The following CTNNA3 variants were observed in gnomAD, a reference collection of about 807,000 sequenced individuals.
CTNNA3 encodes catenin alpha-3.
A neutral mutation model predicts 95.7 loss-of-function variants in CTNNA3; 76 were observed. The ratio of observed to expected loss-of-function variants is 0.79; its 90% CI spans 0.66 to 0.96. The LOEUF is 0.96. Among genes scored for constraint, CTNNA3 ranks in the 40% least tolerant of loss-of-function variants. The pLI, the probability that CTNNA3 is intolerant of heterozygous loss-of-function variation, is 0.00. For missense variants in CTNNA3, 1,191 were observed against 1,089.8 expected, an observed-to-expected ratio of 1.09 and a Z score of -1.31; for synonymous variants, 431 against 374.4, an observed-to-expected ratio of 1.15 and a Z score of -1.74.
intron 5 of CTNNA3, among the ~76,000 whole-genome samples, chr10:67,337,021 G>A (rs1842019317): frequency 6.6e-6 from 1 of 152,132 alleles, no homozygotes; most frequent in Non-Finnish European, 1.5e-5. Flanking sequence ...CCATTCTGTA[G>A]CCCATGGATC....
chr10:66,534,469 CATATATATATATAT>C (rs58455418), intron 10 of CTNNA3, among the ~76,000 whole-genome samples: 80 of 146,932 alleles, frequency 5.4e-4, no homozygotes, highest in East Asian at 1.6e-3. Flanking sequence ...TTATAAAAAT[CATATATATATATAT>C]ATATATATAT....
intron 11 of CTNNA3, among the ~76,000 whole-genome samples, chr10:66,461,536 T>C (rs2093529036): frequency 6.6e-6 from 1 of 151,990 alleles, no homozygotes; most frequent in Admixed American, 6.6e-5. Context: ...CCATCCCTGC[T>C]TCTTGGGTAG....
chr10:67,079,965 A>T (rs1856964784), intron 7 of CTNNA3, among the ~76,000 whole-genome samples: 1 of 152,002 alleles, frequency 6.6e-6, no homozygotes, highest in Non-Finnish European at 1.5e-5. Context: ...GGAGTAAAAT[A>T]AAAAATTGCT....
intron 2 of CTNNA3, among the ~76,000 whole-genome samples, chr10:67,638,519 T>G (rs1374636224): frequency 2.6e-5 from 4 of 152,194 alleles, no homozygotes; most frequent in Non-Finnish European, 5.9e-5. Flanking sequence ...CTAATAGACA[T>G]CTACAGAGCT....
intron 14 of CTNNA3, among the ~76,000 whole-genome samples, chr10:66,089,514 T>A (rs1321339460): frequency 2.0e-5 from 3 of 151,914 alleles, no homozygotes; most frequent in Admixed American, 6.6e-5. Context: ...ACTGTTTTTT[T>A]AAATCTACTC....
chr10:66,779,931 A>T (rs1840463885), intron 7 of CTNNA3, among the ~76,000 whole-genome samples: 2 of 152,168 alleles, frequency 1.3e-5, no homozygotes, highest in Non-Finnish European at 2.9e-5. Context: ...TTATAGAGGT[A>T]CCTAGGATAA....
chr10:67,307,253 G>A (rs576150184), intron 5 of CTNNA3, among the ~76,000 whole-genome samples: 6 of 152,034 alleles, frequency 3.9e-5, no homozygotes, highest in Non-Finnish European at 7.4e-5. Context: ...CTACATTTTC[G>A]GTTCTCTCTT....
At chr10:67,017,756 C>CG (rs1852749571) in intron 7 of CTNNA3, among the ~76,000 whole-genome samples, 1 of 148,764 alleles carries the variant, frequency 6.7e-6, no homozygotes, top group Non-Finnish European at 1.5e-5. Flanking sequence ...TGTGTGTGCG[C>CG]GCGTACAATT....
intron 5 of CTNNA3, among the ~76,000 whole-genome samples, chr10:67,479,774 A>T (rs1003442280): frequency 6.6e-6 from 1 of 152,178 alleles, no homozygotes; most frequent in African/African-American, 2.4e-5. Flanking sequence ...CCCAAAATAC[A>T]TACAAAGGAT....
chr10:66,544,558 A>C (rs1841979184), intron 10 of CTNNA3, among the ~76,000 whole-genome samples: 1 of 152,120 alleles, frequency 6.6e-6, no homozygotes, highest in African/African-American at 2.4e-5. Flanking sequence ...GTTTTTAGTA[A>C]TATATCCTAG....
Position 66,197,099 on chromosome 10 carries a change from CTT to C in CTNNA3, c.1884+83369_1884+83370del, listed in dbSNP as rs1338868923. Among the ~76,000 whole-genome samples, 4 of 152,274 alleles carry C rather than the reference CTT, an allele frequency of 2.6e-5. No homozygotes were observed. The East Asian group carries it at 7.7e-4, about 29-fold the overall frequency. ...AAGGATATTGGTCTATGTCACCTGA[CTT>C]TCCAATTTTTCAAAAAGACTATACC... On this transcript the variant is annotated intron_variant, in intron 13 of 17. Transcript: ENST00000433211.
intron 9 of CTNNA3, among the ~76,000 whole-genome samples, chr10:66,709,061 G>C (rs959284846): frequency 6.6e-6 from 1 of 152,066 alleles, no homozygotes. Flanking sequence ...GGAAGGATCT[G>C]GCATTTGCAC....
intron 9 of CTNNA3, among the ~76,000 whole-genome samples, chr10:66,694,777 C>CA (rs1294945228): frequency 6.6e-6 from 1 of 152,132 alleles, no homozygotes; most frequent in Non-Finnish European, 1.5e-5. Context: ...CAGAAAAGCA[C>CA]AATGGCAGCT....
chr10:67,128,596 C>T (rs1177031159), intron 7 of CTNNA3, among the ~76,000 whole-genome samples: 1 of 152,074 alleles, frequency 6.6e-6, no homozygotes, highest in Non-Finnish European at 1.5e-5. Flanking sequence ...CAGCTTTACC[C>T]CTTTGACAAG....
intron 5 of CTNNA3, among the ~76,000 whole-genome samples, chr10:67,468,685 C>A (rs184160392): frequency 6.6e-6 from 1 of 152,184 alleles, no homozygotes; most frequent in African/African-American, 2.4e-5. Flanking sequence ...GGATTTTTCT[C>A]TCTTTCCCCT....
intron 11 of CTNNA3, among the ~76,000 whole-genome samples, chr10:66,401,390 G>A (rs1034866055): frequency 6.6e-6 from 1 of 151,838 alleles, no homozygotes; most frequent in Non-Finnish European, 1.5e-5. Context: ...GCCATGGATG[G>A]TGGTGTGTCC....
chr10:66,116,285 TGGA>T (rs1445257864), intron 13 of CTNNA3, among the ~76,000 whole-genome samples: 1 of 152,152 alleles, frequency 6.6e-6, no homozygotes, highest in Non-Finnish European at 1.5e-5. Flanking sequence ...AAACTTAATG[TGGA>T]GAATTGTTTT....
At chr10:66,836,136 T>A (rs1031561158) in intron 7 of CTNNA3, among the ~76,000 whole-genome samples, 2 of 152,140 alleles carry the variant, frequency 1.3e-5, no homozygotes, top group Non-Finnish European at 2.9e-5. Context: ...TCAACCATGA[T>A]CTATATTAAG....
intron 15 of CTNNA3, among the ~76,000 whole-genome samples, chr10:65,995,218 T>G (rs960284505): frequency 3.9e-5 from 6 of 152,210 alleles, no homozygotes; most frequent in Admixed American, 3.9e-4. Flanking sequence ...GTGGCATATT[T>G]CCTTGACATT....
Sources: gnomAD v4.1 joint callset for allele counts (sites outside exome capture counted in the v4.1 genomes callset) on GRCh38, gnomAD v4.1.1 for gene constraint, MANE v1.5 for transcripts, NCBI Gene and HGNC (gene_info 2026-07-23, HGNC 2026-07-21) for gene names.